The following RNLS variants were observed in gnomAD, a reference collection of about 807,000 sequenced individuals.
The protein encoded by RNLS is renalase, FAD dependent amine oxidase.
In RNLS, 39 loss-of-function variants were observed where a neutral mutation model predicts 39.8. The observed-to-expected ratio is 0.98, with a 90% confidence interval of 0.76 to 1.28. The LOEUF is 1.28. RNLS is among the 50% of genes most tolerant of loss of function. The pLI is 0.00. For synonymous variants in RNLS, 147 were observed against 150.7 expected (o/e 0.98, Z 0.18); for missense variants, 410 against 413.3 (o/e 0.99, Z 0.07).
At chr10:88,422,189 T>G (rs1854449528) in intron 4 of RNLS, among the ~76,000 whole-genome samples, 1 of 152,220 alleles carries the variant, frequency 6.6e-6, no homozygotes, top group Non-Finnish European at 1.5e-5. Context: ...ATACTAAAGG[T>G]AGCCGTCCTA....
At chr10:88,455,688 G>A (rs541237178) in intron 4 of RNLS, among the ~76,000 whole-genome samples, 1 of 152,214 alleles carries the variant, frequency 6.6e-6, no homozygotes. Context: ...TTACAGGCGT[G>A]AGCCACCACG....
chr10:88,235,267 C>CAAAAAAAAAAAA, the RNLS span, among the ~76,000 whole-genome samples: 1 of 61,924 alleles, frequency 1.6e-5, no homozygotes, highest in African/African-American at 7.4e-5. Flanking sequence ...GACTCTATCT[C>CAAAAAAAAAAAA]AAAAAAAAAA....
chr10:88,444,273 A>C (rs1589803170), intron 4 of RNLS, among the ~76,000 whole-genome samples: 1 of 152,230 alleles, frequency 6.6e-6, no homozygotes, highest in African/African-American at 2.4e-5. Context: ...GACTGTTAGA[A>C]GGAAAACTAA....
intron 4 of RNLS, among the ~76,000 whole-genome samples, chr10:88,467,048 T>C (rs920198584): frequency 6.6e-6 from 1 of 152,124 alleles, no homozygotes; most frequent in Admixed American, 6.6e-5. Flanking sequence ...TTAATTACAG[T>C]GGACTCCAGT....
At chr10:88,581,944 A>T (rs559811982) in intron 2 of RNLS, among the ~76,000 whole-genome samples, 5 of 152,362 alleles carry the variant, frequency 3.3e-5, no homozygotes, top group African/African-American at 9.6e-5. Flanking sequence ...CTTTAGTCAA[A>T]GGCCTATTTC....
rs143352205 is a variant in RNLS at position 88,549,915 on chromosome 10, C to T, written c.526+22988G>A. On this transcript the variant is annotated intron_variant, in intron 4 of 6. Transcript: ENST00000331772. ...AAACAACTAATGTTGAAATGTATTGCTCCACTTAATACTAAACTCATGATT... is the reference window on the plus strand; with the variant it reads ...AAACAACTAATGTTGAAATGTATTGTTCCACTTAATACTAAACTCATGATT... Among the ~76,000 whole-genome samples, 473 of 152,250 alleles carry T rather than the reference C, an allele frequency of 3.1e-3. 2 individuals carry two copies. Among genetic ancestry groups the T allele is most frequent in the African/African-American group, 0.01 (431 of 41,562 alleles).
At chr10:88,279,205 C>G (rs181196862), downstream of RNLS, among the ~76,000 whole-genome samples, 1 of 152,160 alleles carries the variant, frequency 6.6e-6, no homozygotes, top group African/African-American at 2.4e-5. Context: ...CACTTAAATA[C>G]AGTCACCAGT....
chr10:88,336,979 C>T lies in RNLS; in HGVS notation c.701-22338G>A, dbSNP rs926895182. ...GACTTAGGGGTCATTAAGCCTGACA[C>T]ATTAGGTCATTAGGCTGACATAGGG... is the stretch of plus-strand genomic sequence containing the variant. On this transcript the variant is annotated intron_variant, in intron 5 of 6. Coordinates refer to ENST00000331772, the MANE Select transcript of RNLS (RefSeq NM_001031709.3). Among the ~76,000 whole-genome samples the T allele has an allele frequency of 2.6e-5, 4 of 152,060 alleles. No homozygotes were observed. In the East Asian group the frequency reaches 5.8e-4, roughly 22 times the overall value.
intron 4 of RNLS, among the ~76,000 whole-genome samples, chr10:88,536,855 A>C (rs564975364): frequency 6.6e-6 from 1 of 152,156 alleles, no homozygotes; most frequent in Non-Finnish European, 1.5e-5. Flanking sequence ...TTTTAAATCC[A>C]AAACACCTGG....
intron 4 of RNLS, among the ~76,000 whole-genome samples, chr10:88,514,779 C>G (rs1165319442): frequency 6.6e-6 from 1 of 151,966 alleles, no homozygotes; most frequent in African/African-American, 2.4e-5. Flanking sequence ...TATTAAGTTG[C>G]CTGTATAGAC....
At chr10:88,206,248 A>G in the RNLS span, among the ~76,000 whole-genome samples, 1 of 152,190 alleles carries the variant, frequency 6.6e-6, no homozygotes, top group Admixed American at 6.5e-5. Context: ...GTGGTGTCTG[A>G]TTGCACTTTT....
intron 5 of RNLS, among the ~76,000 whole-genome samples, chr10:88,318,972 G>T (rs1845973416): frequency 6.6e-6 from 1 of 152,174 alleles, no homozygotes; most frequent in Non-Finnish European, 1.5e-5. Context: ...ACTCTTAAGT[G>T]CCACCTACTG....
At chr10:88,232,549 A>G in the RNLS span, among the ~76,000 whole-genome samples, 1 of 152,254 alleles carries the variant, frequency 6.6e-6, no homozygotes, top group East Asian at 1.9e-4. Context: ...CCAAGTAGCT[A>G]GGACTACAGG....
intron 6 of RNLS, among the ~76,000 whole-genome samples, chr10:88,303,522 C>A (rs1430474107): frequency 6.6e-6 from 1 of 152,194 alleles, no homozygotes; most frequent in African/African-American, 2.4e-5. Context: ...GCAGCCTCTA[C>A]AACCATGCAC....
At chr10:88,375,349 G>A (rs920664532) in intron 4 of RNLS, among the ~76,000 whole-genome samples, 10 of 152,208 alleles carry the variant, frequency 6.6e-5, no homozygotes, top group Admixed American at 5.9e-4. Context: ...AGAGTTCCCC[G>A]AAGTCCCCTT....
chr10:88,502,346 G>A (rs1339985091), intron 4 of RNLS, among the ~76,000 whole-genome samples: 1 of 150,264 alleles, frequency 6.7e-6, no homozygotes, highest in East Asian at 2.0e-4. Context: ...GGGCGGGGTG[G>A]GGAGGTGAGG....
intron 4 of RNLS, among the ~76,000 whole-genome samples, chr10:88,537,168 C>T (rs1393631459): frequency 6.6e-6 from 1 of 152,076 alleles, no homozygotes; most frequent in African/African-American, 2.4e-5. Context: ...AAAAAGCAAA[C>T]CTTTACTCAC....
At chr10:88,273,436 T>G (rs1842706412), downstream of RNLS, among the ~76,000 whole-genome samples, 1 of 152,346 alleles carries the variant, frequency 6.6e-6, no homozygotes, top group South Asian at 2.1e-4. Context: ...TATTCTTGAC[T>G]TAGCATTACA....
chr10:88,552,085 C>A (rs1422617980), intron 4 of RNLS, among the ~76,000 whole-genome samples: 1 of 152,180 alleles, frequency 6.6e-6, no homozygotes, highest in Admixed American at 6.5e-5. Flanking sequence ...TGCTTTAACA[C>A]ATTATCTTAT....
Sources: allele counts gnomAD v4.1 joint callset (sites outside exome capture counted in the v4.1 genomes callset), GRCh38; gene constraint gnomAD v4.1.1; transcripts MANE v1.5; gene names NCBI Gene and HGNC (gene_info 2026-07-23, HGNC 2026-07-21).